The following CTSH variants were observed in gnomAD, a reference collection of about 807,000 sequenced individuals.
CTSH encodes the protein pro-cathepsin H.
In CTSH, 52 loss-of-function variants were observed where a neutral mutation model predicts 56.3. That is an observed-to-expected ratio of 0.92 (90% CI 0.74 to 1.16). The LOEUF (loss-of-function observed/expected upper bound fraction) is 1.16. Ranked by LOEUF, CTSH falls within the 50% of genes most tolerant of loss-of-function variation. CTSH has a pLI of 0.00. For synonymous variants in CTSH, 174 were observed against 155.7 expected (o/e 1.12, Z -0.88); for missense variants, 406 against 424.5 (o/e 0.96, Z 0.38).
chr15:78,922,079 G>A lies in CTSH; in HGVS notation c.*51C>T, dbSNP rs775466580. The A allele has an allele frequency of 3.0e-5, 46 of 1,516,484 alleles. No homozygotes were observed. The South Asian group carries it at 5.3e-4, about 17-fold the overall frequency. The allele number at this position is 1,516,484 out of a possible 1,614,324, so 93.9% of individuals were successfully genotyped here. A position where few individuals can be genotyped will look rare whatever the true frequency, so the allele number is the denominator to read the frequency against. ...AGGGCAGGATTTCCACCCAGGCCCA[G>A]GCTGCCCGTTCCTCTCCTTCTCCGC... On this transcript the variant is annotated 3_prime_UTR_variant, in exon 12 of 12. Transcript: ENST00000220166.
At position 78,925,349 on chromosome 15, in the gene CTSH, G is replaced by C; in HGVS notation, c.791C>G (p.Thr264Ser). The change falls in exon 10 of 12, where the codon ACC becomes AGC. Residue 264 changes from threonine (T) to serine (S), a missense_variant. Transcript: ENST00000220166. ...EVTQDFMMYR[T>S]GIYSSTSCHK... is the part of the protein sequence containing the mutation. ...CCTGACTCACCTGGAGTAGATGCCGGTTCTATACATCATGAAGTCCTGAGT... is the reference window on the plus strand; with the variant it reads ...CCTGACTCACCTGGAGTAGATGCCGCTTCTATACATCATGAAGTCCTGAGT... The C allele has an allele frequency of 6.2e-7, 1 of 1,611,304 alleles. No individual in the cohort carries two copies. The highest frequency in any genetic ancestry group is 1.1e-5 in the South Asian group (1 of 91,000).
At chr15:78,937,140 A>T in intron 3 of CTSH, 178 bp downstream of exon 3, 1 of 602,208 alleles carries the variant, frequency 1.7e-6, no homozygotes, top group South Asian at 2.0e-5. Context: ...CTTTGTCCCA[A>T]ATTTACGATC....
rs1381314749 is a variant in CTSH at position 78,921,156 on chromosome 15, G to T, written c.*974C>A. 2 of 152,058 alleles carry T rather than the reference G, an allele frequency of 1.3e-5. No individual in the cohort carries two copies. Among genetic ancestry groups the T allele is most frequent in the Non-Finnish European group, 2.9e-5 (2 of 68,022 alleles). 9.4% of individuals were successfully genotyped at this position (152,058 alleles called of 1,614,324 possible). On this transcript the variant is annotated 3_prime_UTR_variant, in exon 12 of 12. Coordinates refer to ENST00000220166, the MANE Select transcript of CTSH (RefSeq NM_004390.5). ...TCTCAAGCCTTTAGCTTTTCAGGAA[G>T]CCCAAATAAGATGACAGCTTTTATC...
rs77926585 is a variant in CTSH at position 78,927,216 on chromosome 15, G to A, written c.699+497C>T. On this transcript the variant is annotated intron_variant, in intron 9 of 11. Coordinates refer to ENST00000220166, the MANE Select transcript of CTSH (RefSeq NM_004390.5). Reference sequence around the variant, plus strand: ...CACCTTCTTTCCCTCTAGTCCTGGCGTGAGGCCAATGACACGGAGCACACA... The same window carrying A: ...CACCTTCTTTCCCTCTAGTCCTGGCATGAGGCCAATGACACGGAGCACACA... The A allele has an allele frequency of 0.027, 4,136 of 155,254 alleles. 499 individuals carry two copies. In the East Asian group the frequency reaches 0.36, roughly 14 times the overall value. 9.6% of individuals were successfully genotyped at this position (155,254 alleles called of 1,614,324 possible).
In CTSH at chr15:78,939,890, A is replaced by G. The variant is rs998943154; in HGVS notation, c.92-719T>C. On this transcript the variant is annotated intron_variant, in intron 1 of 11. Coordinates refer to ENST00000220166, the MANE Select transcript of CTSH (RefSeq NM_004390.5). ...AGAGAGAGACTCCGTCTCAAAAACA[A>G]CAACAACAAAAAACAAACCTATCTA... 3.9e-5 allele frequency among the ~76,000 whole-genome samples: 6 copies of G among 152,242 alleles called. No homozygotes were observed. In the South Asian group the frequency reaches 8.3e-4, roughly 21 times the overall value.
intron 6 of CTSH, chr15:78,932,025 G>A: frequency 8.4e-7 from 1 of 1,188,328 alleles, no homozygotes; most frequent in Non-Finnish European, 1.1e-6. Flanking sequence ...CTTCCCTCAT[G>A]AAGACAACTG....
At chr15:78,925,695 A>G (rs1474986904) in intron 9 of CTSH, 1 of 399,642 alleles carries the variant, frequency 2.5e-6, no homozygotes, top group African/African-American at 2.0e-5. Flanking sequence ...GCGTGGACCT[A>G]CTCATTCAGT....
chr15:78,944,618 T>C, intron 1 of CTSH: 1 of 393,910 alleles, frequency 2.5e-6, no homozygotes, highest in South Asian at 6.2e-5. Context: ...TGCGGGCTCC[T>C]TTGGTATTCT....
intron 8 of CTSH, among the ~76,000 whole-genome samples, chr15:78,929,004 G>C (rs1460634454): frequency 6.6e-6 from 1 of 151,962 alleles, no homozygotes; most frequent in Non-Finnish European, 1.5e-5. Context: ...AGGCCCAGCA[G>C]CCTTGATAGG....
chr15:78,940,167 C>T (rs994862666), intron 1 of CTSH, among the ~76,000 whole-genome samples: 1 of 121,866 alleles, frequency 8.2e-6, no homozygotes, highest in Non-Finnish European at 2.1e-5. Flanking sequence ...AAATATTTTA[C>T]AAAAGCAGGC....
chr15:78,942,070 G>A (rs2055306608), intron 1 of CTSH, among the ~76,000 whole-genome samples: 1 of 152,132 alleles, frequency 6.6e-6, no homozygotes, highest in Non-Finnish European at 1.5e-5. Context: ...ATAGGTCAAA[G>A]GGCTGGGAAA....
At position 78,927,843 on chromosome 15, in the gene CTSH, G is replaced by A. The variant is rs192724509; in HGVS notation, c.631-62C>T. 134 of 1,360,392 alleles carry A rather than the reference G, an allele frequency of 9.9e-5. 1 individual carries two copies. In the East Asian group the frequency reaches 1.6e-3, roughly 16 times the overall value. The allele number at this position is 1,360,392 out of a possible 1,614,324, so 84.3% of individuals were successfully genotyped here. A position where few individuals can be genotyped will look rare whatever the true frequency, so the allele number is the denominator to read the frequency against. On this transcript the variant is annotated intron_variant, in intron 8 of 11. Transcript: ENST00000220166. ...GGACCCGAAGTCTCAGCCTCCCCAC[G>A]CAGTTCAATAACATTTACTAAACAA...
chr15:78,932,295 G>A, intron 6 of CTSH, 77 bp downstream of exon 6: 1 of 1,355,188 alleles, frequency 7.4e-7, no homozygotes, highest in Non-Finnish European at 1.1e-6. Flanking sequence ...ATGCTCCAGG[G>A]AAACCAAAGG....
At chr15:78,941,434 A>T (rs1196134042) in intron 1 of CTSH, among the ~76,000 whole-genome samples, 1 of 149,298 alleles carries the variant, frequency 6.7e-6, no homozygotes, top group Non-Finnish European at 1.5e-5. Context: ...AAAAAAAAAA[A>T]AAAAAAAAAA....
intron 10 of CTSH, among the ~76,000 whole-genome samples, chr15:78,925,124 T>C (rs1240075451): frequency 6.6e-6 from 1 of 152,216 alleles, no homozygotes; most frequent in Non-Finnish European, 1.5e-5. Flanking sequence ...CACCTCTCCT[T>C]TGCTGTGAGA....
In CTSH at chr15:78,935,014, C is replaced by A; in HGVS notation, c.369G>T (p.Arg123=). 1 of 1,614,008 alleles carries A rather than the reference C, an allele frequency of 6.2e-7. No homozygotes were observed. Among genetic ancestry groups the A allele is most frequent in the South Asian group, 1.1e-5 (1 of 91,080 alleles). Residue 123 remains arginine (R), a synonymous_variant, in exon 5 of 12, where the codon CGG becomes CGT. Coordinates refer to ENST00000220166, the MANE Select transcript of CTSH (RefSeq NM_004390.5). ...CAGGTGAGACAAAATTTCCTTTTTT[C>A]CGCCAGTCCACGGAAGGTGGGTAGG... The part of the protein sequence containing the change: ...TGPYPPSVDW[R]KKGNFVSPVK...
At chr15:78,923,212 A>C in intron 10 of CTSH, 94 bp from the exon 11 acceptor site, 1 of 1,425,144 alleles carries the variant, frequency 7.0e-7, no homozygotes, top group Non-Finnish European at 9.7e-7. Context: ...GCTTTAGAGC[A>C]ATGTTCCCCA....
rs1349471141 is a variant in CTSH, at chr15:78,937,423, G to A, written c.124C>T (p.His42Tyr). The stretch of plus-strand genomic sequence containing the variant: ...TCCTCCGTACTGTAGGTCTTACGGT[G>A]CTAAAACAAAACACGCCAGTAGCAA... ...KFHFKSWMSK[H>Y]RKTYSTEEYH... Residue 42 changes from histidine (H) to tyrosine (Y), a missense_variant and splice_region_variant, in exon 3 of 12, where the codon CAC (histidine) becomes TAC (tyrosine). By Grantham distance (83) the His-to-Tyr change is moderately conservative. Transcript: ENST00000220166. 4 of 1,613,274 alleles carry A rather than the reference G, an allele frequency of 2.5e-6. No homozygotes were observed. Among genetic ancestry groups the A allele is most frequent in the Non-Finnish European group, 3.4e-6 (4 of 1,179,450 alleles).
At chr15:78,939,290 CAAAA>C in intron 1 of CTSH, 119 bp from the exon 2 acceptor site, 2 of 720,760 alleles carry the variant, frequency 2.8e-6, no homozygotes, top group Non-Finnish European at 4.6e-6. Context: ...TTTAAAACAC[CAAAA>C]ATGGTGTTAT....
Sources: allele counts gnomAD v4.1 joint callset (sites outside exome capture counted in the v4.1 genomes callset), GRCh38; gene constraint gnomAD v4.1.1; transcripts MANE v1.5; gene names NCBI Gene and HGNC (gene_info 2026-07-23, HGNC 2026-07-21).